Variants in ERBB4 observed in about 807,000 individuals in gnomAD.
ERBB4 encodes receptor tyrosine-protein kinase erbB-4.
Under a neutral mutation model 158.0 loss-of-function variants are expected in ERBB4, and 42 were observed. The observed-to-expected ratio is 0.27, with a 90% confidence interval of 0.21 to 0.34. ERBB4 has a LOEUF of 0.34. Among genes scored for constraint, ERBB4 ranks in the 10% least tolerant of loss-of-function variants. ERBB4 has a pLI of 1.00. For missense variants in ERBB4, 1,333 were observed against 1,624.1 expected (o/e 0.82, Z 3.08); for synonymous variants, 583 against 558.7 (o/e 1.04, Z -0.61).
intron 19 of ERBB4, among the ~76,000 whole-genome samples, chr2:211,596,911 C>T (rs562524143): frequency 6.6e-6 from 1 of 152,186 alleles, no homozygotes; most frequent in Admixed American, 6.5e-5. Context: ...ATTACACGTG[C>T]CTGCCACCAT....
At chr2:211,413,194 T>G (rs1381388442) in intron 25 of ERBB4, among the ~76,000 whole-genome samples, 1 of 151,052 alleles carries the variant, frequency 6.6e-6, no homozygotes, top group Non-Finnish European at 1.5e-5. Flanking sequence ...TCTTAGCTAT[T>G]CAGGAGGCTG....
chr2:211,697,487 A>G (rs939485088), intron 12 of ERBB4, among the ~76,000 whole-genome samples: 2 of 152,160 alleles, frequency 1.3e-5, no homozygotes, highest in African/African-American at 4.8e-5. Context: ...CAAATTATTC[A>G]AATTACCAGT....
intron 1 of ERBB4, among the ~76,000 whole-genome samples, chr2:212,393,731 A>C (rs929531452): frequency 1.3e-5 from 2 of 152,138 alleles, no homozygotes; most frequent in Admixed American, 1.3e-4. Flanking sequence ...TCTTTTTCAA[A>C]AATTTCCCTA....
intron 20 of ERBB4, among the ~76,000 whole-genome samples, chr2:211,490,703 A>G (rs560345613): frequency 6.6e-6 from 1 of 152,014 alleles, no homozygotes; most frequent in Non-Finnish European, 1.5e-5. Flanking sequence ...TGGGAGAACT[A>G]AAAGGAGTTA....
chr2:212,136,987 G>GACTAGATTATAAATATAT (rs2080291494), intron 1 of ERBB4, among the ~76,000 whole-genome samples: 1 of 151,832 alleles, frequency 6.6e-6, no homozygotes, highest in Non-Finnish European at 1.5e-5. Context: ...TACTAATATA[G>GACTAGATTATAAATATAT]ACTAGATTAT....
chr2:212,284,145 T>G (rs926846690), intron 1 of ERBB4, among the ~76,000 whole-genome samples: 1 of 152,128 alleles, frequency 6.6e-6, no homozygotes, highest in Non-Finnish European at 1.5e-5. Flanking sequence ...AACGTAATAT[T>G]ATCAACAGGT....
In ERBB4 at chr2:212,194,735, TA is replaced by T. The variant is rs61681787; in HGVS notation, c.83-69833del. On this transcript the variant is annotated intron_variant, in intron 1 of 27. Coordinates refer to ENST00000342788, the MANE Select transcript of ERBB4 (RefSeq NM_005235.3). ...ATCATTAAAGAAAAATAAAAACATA[TA>T]TTTTTGCTGGCATATCTGAAGGTTT... Among the ~76,000 whole-genome samples, 1,392 of 152,064 alleles carry T rather than the reference TA, an allele frequency of 9.2e-3. 14 individuals carry two copies. Among genetic ancestry groups the T allele is most frequent in the African/African-American group, 0.031 (1,283 of 41,518 alleles).
chr2:212,405,145 G>A (rs1257038187), intron 1 of ERBB4, among the ~76,000 whole-genome samples: 1 of 151,862 alleles, frequency 6.6e-6, no homozygotes, highest in Non-Finnish European at 1.5e-5. Flanking sequence ...AAATTTACAA[G>A]GGAAAAACAA....
intron 16 of ERBB4, among the ~76,000 whole-genome samples, chr2:211,638,235 A>G (rs2070433835): frequency 6.6e-6 from 1 of 152,004 alleles, no homozygotes; most frequent in African/African-American, 2.4e-5. Context: ...TTACAGTGAC[A>G]GTACCTATTG....
intron 4 of ERBB4, among the ~76,000 whole-genome samples, chr2:211,761,906 TC>T: frequency 6.6e-6 from 1 of 152,356 alleles, no homozygotes; most frequent in East Asian, 1.9e-4. Flanking sequence ...CATTTTTGTC[TC>T]CTTTCAGGCT....
At chr2:212,485,468 A>G (rs900354983) in intron 1 of ERBB4, among the ~76,000 whole-genome samples, 5 of 152,228 alleles carry the variant, frequency 3.3e-5, no homozygotes, top group Non-Finnish European at 5.9e-5. Flanking sequence ...CTGAACAGCT[A>G]CGGAATGAAT....
chr2:212,533,232 T>C, intron 1 of ERBB4, among the ~76,000 whole-genome samples: 1 of 152,258 alleles, frequency 6.6e-6, no homozygotes. Flanking sequence ...ACATTATGTT[T>C]CTTAATATAG....
intron 3 of ERBB4, among the ~76,000 whole-genome samples, chr2:211,912,845 A>G (rs529733021): frequency 6.6e-6 from 1 of 152,320 alleles, no homozygotes; most frequent in South Asian, 2.1e-4. Flanking sequence ...AGACCTGAAA[A>G]GAAACATTTA....
intron 3 of ERBB4, among the ~76,000 whole-genome samples, chr2:211,836,326 T>A (rs529526796): frequency 6.6e-6 from 1 of 152,164 alleles, no homozygotes; most frequent in South Asian, 2.1e-4. Context: ...AGGTAAAAAG[T>A]CACAGGCAGA....
intron 1 of ERBB4, among the ~76,000 whole-genome samples, chr2:212,341,969 G>T (rs1458582304): frequency 6.6e-6 from 1 of 152,054 alleles, no homozygotes; most frequent in Non-Finnish European, 1.5e-5. Flanking sequence ...AAACTAAAGT[G>T]GCTTGAGGGC....
chr2:212,041,122 C>T (rs1309424581), intron 2 of ERBB4, among the ~76,000 whole-genome samples: 1 of 151,620 alleles, frequency 6.6e-6, no homozygotes, highest in East Asian at 1.9e-4. Context: ...TAAAACTGAT[C>T]AATAACAAAA....
chr2:211,979,625 G>A (rs2081733429), intron 2 of ERBB4, among the ~76,000 whole-genome samples: 1 of 152,066 alleles, frequency 6.6e-6, no homozygotes, highest in South Asian at 2.1e-4. Flanking sequence ...AGCCAAGAGA[G>A]TAGAAGTACA....
chr2:212,512,631 AG>A (rs1691588690), intron 1 of ERBB4, among the ~76,000 whole-genome samples: 1 of 152,198 alleles, frequency 6.6e-6, no homozygotes, highest in African/African-American at 2.4e-5. Context: ...AGTTTTAAAA[AG>A]TATTTTACTT....
chr2:211,931,820 A>C (rs75196807), intron 3 of ERBB4, among the ~76,000 whole-genome samples: 5,643 of 152,124 alleles, frequency 0.037, 153 homozygotes, highest in African/African-American at 0.068. Flanking sequence ...GCAAGGATTA[A>C]CCAATAAATT....
Sources: gnomAD v4.1 joint callset for allele counts (sites outside exome capture counted in the v4.1 genomes callset) on GRCh38, gnomAD v4.1.1 for gene constraint, MANE v1.5 for transcripts, NCBI Gene and HGNC (gene_info 2026-07-23, HGNC 2026-07-21) for gene names.